Variants in NALCN observed in about 807,000 individuals in gnomAD.
The protein encoded by NALCN is sodium leak channel, non-selective, also known as sodium leak channel NALCN.
Under a neutral mutation model 225.3 loss-of-function variants are expected in NALCN, and 111 were observed. The ratio of observed to expected loss-of-function variants is 0.49; its 90% CI spans 0.42 to 0.58. NALCN has a LOEUF of 0.58. Ranked by LOEUF, NALCN falls within the 20% of genes least tolerant of loss-of-function variation. The pLI is 0.00. For synonymous variants in NALCN, 764 were observed against 769.0 expected (o/e 0.99, Z 0.11); for missense variants, 1,378 against 2,202.4 (o/e 0.63, Z 7.49).
intron 7 of NALCN, among the ~76,000 whole-genome samples, chr13:101,341,586 A>T (rs1009445267): frequency 2.0e-5 from 3 of 152,090 alleles, no homozygotes; most frequent in Admixed American, 6.5e-5. Flanking sequence ...TTTATGAGTT[A>T]TATATCATGA....
intron 13 of NALCN, among the ~76,000 whole-genome samples, chr13:101,227,464 A>C (rs971488712): frequency 3.9e-5 from 6 of 152,128 alleles, no homozygotes; most frequent in Non-Finnish European, 7.4e-5. Context: ...GGAACATCTG[A>C]GTCCCCATCT....
At chr13:101,082,667 C>A in intron 33 of NALCN, 142 bp downstream of exon 33, 3 of 794,260 alleles carry the variant, frequency 3.8e-6, no homozygotes, top group South Asian at 3.3e-5. Context: ...TAAGCAGAAC[C>A]GCTTAAGTAG....
At chr13:101,205,995 A>T (rs903206592) in intron 13 of NALCN, among the ~76,000 whole-genome samples, 1 of 152,088 alleles carries the variant, frequency 6.6e-6, no homozygotes, top group African/African-American at 2.4e-5. Flanking sequence ...TTAGCTTTAA[A>T]TAGAAAGCAG....
At chr13:101,081,192 TCA>T (rs2033627773) in intron 34 of NALCN, among the ~76,000 whole-genome samples, 1 of 152,236 alleles carries the variant, frequency 6.6e-6, no homozygotes, top group Non-Finnish European at 1.5e-5. Flanking sequence ...TGGACAGTTC[TCA>T]GTCTCTGTTG....
intron 35 of NALCN, among the ~76,000 whole-genome samples, chr13:101,075,354 C>CT (rs1032335178): frequency 3.3e-5 from 5 of 150,152 alleles, no homozygotes; most frequent in African/African-American, 1.2e-4. Flanking sequence ...ACTCGGGAGG[C>CT]TGAGGCAGGA....
At chr13:101,198,407 A>G (rs1478138116) in intron 13 of NALCN, among the ~76,000 whole-genome samples, 1 of 152,232 alleles carries the variant, frequency 6.6e-6, no homozygotes, top group African/African-American at 2.4e-5. Context: ...CAAAGGGCTA[A>G]TATCCAGAAT....
chr13:101,248,393 A>G lies in NALCN; in HGVS notation c.1266+10050T>C, dbSNP rs568867234. Among the ~76,000 whole-genome samples the G allele has an allele frequency of 9.8e-5, 15 of 152,324 alleles. No individual in the cohort carries two copies. In the South Asian group the frequency reaches 2.9e-3, roughly 29 times the overall value. On this transcript the variant is annotated intron_variant, in intron 11 of 43. Transcript: ENST00000251127. ...CTTTGAATGAAAAATAAAGAATTTT[A>G]CTGGCTTTTGCCTCAAGTTCCTGGG...
chr13:101,398,317 G>A (rs565650129), intron 2 of NALCN, among the ~76,000 whole-genome samples: 2 of 152,234 alleles, frequency 1.3e-5, no homozygotes, highest in Non-Finnish European at 2.9e-5. Flanking sequence ...ATCATGGTTG[G>A]GGGAAGGACA....
At chr13:101,157,122 G>C (rs571101900) in intron 15 of NALCN, among the ~76,000 whole-genome samples, 1 of 152,234 alleles carries the variant, frequency 6.6e-6, no homozygotes, top group South Asian at 2.1e-4. Context: ...GTTAATACCT[G>C]AGTACAAGTT....
At chr13:101,176,508 CA>C (rs2038965099) in intron 14 of NALCN, 134 bp from the exon 15 acceptor site, 1 of 462,162 alleles carries the variant, frequency 2.2e-6, no homozygotes, top group Non-Finnish European at 3.6e-6. Context: ...AGTGATGAAT[CA>C]TTGCATAGGC....
At chr13:101,301,503 A>T (rs745908977) in intron 7 of NALCN, among the ~76,000 whole-genome samples, 3 of 152,146 alleles carry the variant, frequency 2.0e-5, no homozygotes, top group African/African-American at 4.8e-5. Context: ...CAGGTGGATC[A>T]TGAGGTCAGG....
intron 11 of NALCN, among the ~76,000 whole-genome samples, chr13:101,249,288 G>A: frequency 6.6e-6 from 1 of 152,054 alleles, no homozygotes; most frequent in East Asian, 1.9e-4. Flanking sequence ...CATAAAATAA[G>A]TCATTAATCA....
At position 101,236,685 on chromosome 13, in the gene NALCN, A is replaced by G. The variant is rs1202877091; in HGVS notation, c.1434+1070T>C. On this transcript the variant is annotated intron_variant, in intron 12 of 43. Transcript: ENST00000251127. ...AAGAACAAAAAACCAAACACCGCAT[A>G]TTCTCACTCATAGGTGGGAATTGAA... is the stretch of plus-strand genomic sequence containing the variant. Among the ~76,000 whole-genome samples, 21 of 146,740 alleles carry G rather than the reference A, an allele frequency of 1.4e-4. No homozygotes were observed. In the South Asian group the frequency reaches 4.4e-3, roughly 31 times the overall value.
intron 3 of NALCN, among the ~76,000 whole-genome samples, chr13:101,388,655 C>T (rs745958624): frequency 6.6e-6 from 1 of 152,118 alleles, no homozygotes; most frequent in Non-Finnish European, 1.5e-5. Flanking sequence ...AAGTATGCCT[C>T]TGTTCTTTTT....
intron 15 of NALCN, among the ~76,000 whole-genome samples, chr13:101,152,543 T>C (rs2037702618): frequency 6.6e-6 from 1 of 152,032 alleles, no homozygotes; most frequent in African/African-American, 2.4e-5. Context: ...ACATAGATAA[T>C]ATTTGCAGCA....
intron 3 of NALCN, among the ~76,000 whole-genome samples, chr13:101,391,634 G>A (rs942675741): frequency 6.6e-6 from 1 of 151,224 alleles, no homozygotes; most frequent in Non-Finnish European, 1.5e-5. Context: ...AGTGAGCTAT[G>A]ATCACACCAC....
intron 1 of NALCN, among the ~76,000 whole-genome samples, chr13:101,414,848 T>A (rs578039408): frequency 1.3e-5 from 2 of 152,340 alleles, no homozygotes; most frequent in South Asian, 4.1e-4. Flanking sequence ...ATGTCTTCTA[T>A]GAACACAGAA....
intron 14 of NALCN, among the ~76,000 whole-genome samples, chr13:101,188,512 A>G (rs1283112958): frequency 6.6e-6 from 1 of 151,962 alleles, no homozygotes; most frequent in African/African-American, 2.4e-5. Context: ...TTGGGCATAA[A>G]ATGTATTTAG....
chr13:101,236,440 G>T (rs1441968619), intron 12 of NALCN, among the ~76,000 whole-genome samples: 2 of 152,002 alleles, frequency 1.3e-5, no homozygotes, highest in Non-Finnish European at 2.9e-5. Flanking sequence ...TATAAATCAT[G>T]CTGCTATAAA....
Sources: gnomAD v4.1 joint callset for allele counts (sites outside exome capture counted in the v4.1 genomes callset) on GRCh38, gnomAD v4.1.1 for gene constraint, MANE v1.5 for transcripts, NCBI Gene and HGNC (gene_info 2026-07-23, HGNC 2026-07-21) for gene names.